The following PTPRO variants were observed in gnomAD, a reference collection of about 807,000 sequenced individuals.
The protein encoded by PTPRO is receptor-type tyrosine-protein phosphatase O.
Under a neutral mutation model 145.2 loss-of-function variants are expected in PTPRO, and 62 were observed. The observed-to-expected ratio is 0.43, with a 90% confidence interval of 0.35 to 0.53. PTPRO has a LOEUF of 0.53. Among genes scored for constraint, PTPRO ranks in the 20% least tolerant of loss-of-function variants. The probability of loss-of-function intolerance (pLI) is 0.01; values close to 1 mark genes in which losing one functional copy is unlikely to be tolerated. For synonymous variants in PTPRO, 565 were observed against 514.7 expected (o/e 1.10, Z -1.32); for missense variants, 1,345 against 1,482.7 (o/e 0.91, Z 1.53).
chr12:15,392,194 C>A (rs11056457), intron 1 of PTPRO, among the ~76,000 whole-genome samples: 30,289 of 151,942 alleles, frequency 0.2, 3,255 homozygotes, highest in Non-Finnish European at 0.24. Context: ...TCTTATAAGC[C>A]CTAGGACAAT....
intron 3 of PTPRO, among the ~76,000 whole-genome samples, 154 bp downstream of exon 3, chr12:15,497,557 G>T (rs1034312888): frequency 6.6e-6 from 1 of 152,172 alleles, no homozygotes; most frequent in Non-Finnish European, 1.5e-5. Context: ...TATGAAAATC[G>T]TGTTATGAGG....
At chr12:15,525,628 A>G (rs6488781) in intron 11 of PTPRO, among the ~76,000 whole-genome samples, 65,392 of 152,032 alleles carry the variant, frequency 0.43, 14,595 homozygotes, top group African/African-American at 0.53. Flanking sequence ...GTGGAAGCCC[A>G]GCACTTACAG....
At chr12:15,552,877 G>T (rs1943506856) in intron 15 of PTPRO, among the ~76,000 whole-genome samples, 1 of 132,732 alleles carries the variant, frequency 7.5e-6, no homozygotes, top group South Asian at 2.4e-4. Context: ...TTGGTTCACT[G>T]CAAGCTCTGC....
chr12:15,353,857 A>T (rs1937892833), intron 1 of PTPRO, among the ~76,000 whole-genome samples: 1 of 152,158 alleles, frequency 6.6e-6, no homozygotes, highest in South Asian at 2.1e-4. Context: ...TCAGGATCAT[A>T]CTAGTAAAGC....
At chr12:15,516,285 C>A (rs1942583394) in intron 8 of PTPRO, among the ~76,000 whole-genome samples, 2 of 146,976 alleles carry the variant, frequency 1.4e-5, no homozygotes, top group Admixed American at 6.8e-5. Flanking sequence ...CCACACCCAG[C>A]CAAGCCCAGA....
chr12:15,417,249 A>AAT, intron 1 of PTPRO, among the ~76,000 whole-genome samples: 1 of 151,848 alleles, frequency 6.6e-6, no homozygotes, highest in East Asian at 1.9e-4. Context: ...AAATACATTT[A>AAT]ATACCCTGAT....
intron 1 of PTPRO, among the ~76,000 whole-genome samples, chr12:15,387,189 G>A (rs890286432): frequency 2.0e-5 from 3 of 152,018 alleles, no homozygotes; most frequent in Non-Finnish European, 4.4e-5. Context: ...TTGCTTGCAG[G>A]GATCATTGAA....
At chr12:15,364,089 G>T (rs1464127973) in intron 1 of PTPRO, among the ~76,000 whole-genome samples, 1 of 152,102 alleles carries the variant, frequency 6.6e-6, no homozygotes, top group Non-Finnish European at 1.5e-5. Context: ...ACTGACCATT[G>T]TGTAATAGAG....
chr12:15,528,115 C>T (rs1313963254), intron 12 of PTPRO, among the ~76,000 whole-genome samples: 1 of 151,454 alleles, frequency 6.6e-6, no homozygotes, highest in Admixed American at 6.6e-5. Context: ...GCAGAATGGA[C>T]AAAGGAGTGG....
At chr12:15,364,011 C>T (rs910441007) in intron 1 of PTPRO, among the ~76,000 whole-genome samples, 2 of 152,288 alleles carry the variant, frequency 1.3e-5, no homozygotes, top group African/African-American at 4.8e-5. Context: ...TGTTGTGGAA[C>T]TATCCATTTA....
rs1219439083 is a variant in PTPRO, at chr12:15,516,611, GAGGAAGGAAGGAAGGAAGGA to G, written c.1586-144_1586-125del. ...AAGGAAGGGGAGGAAGCAAGAAAGG[GAGGAAGGAAGGAAGGAAGGA>G]AGGAAGGGAGGGAGGGAGGTAGGTA... On this transcript the variant is annotated intron_variant, in intron 8 of 26. Transcript: ENST00000281171. The G allele has an allele frequency of 4.6e-6, 3 of 648,450 alleles. No homozygotes were observed. The African/African-American group carries it at 6.4e-5, about 14-fold the overall frequency. The allele number at this position is 648,450 out of a possible 1,614,324, so 40.2% of individuals were successfully genotyped here.
chr12:15,541,506 T>C (rs1943179897), intron 12 of PTPRO, among the ~76,000 whole-genome samples: 1 of 152,178 alleles, frequency 6.6e-6, no homozygotes, highest in Non-Finnish European at 1.5e-5. Context: ...TTCTCACAGA[T>C]CTGGAGTCTG....
chr12:15,448,357 A>AAAAAAAAAAAAAAAAAAAAAAAAC (rs1565635332), intron 1 of PTPRO, among the ~76,000 whole-genome samples: 2 of 149,540 alleles, frequency 1.3e-5, no homozygotes, highest in Non-Finnish European at 1.5e-5. Context: ...AAAAAAAAAA[A>AAAAAAAAAAAAAAAAAAAAAAAAC]AAAGCACCGA....
At chr12:15,582,164 A>C (rs947169586) in intron 23 of PTPRO, among the ~76,000 whole-genome samples, 4 of 152,278 alleles carry the variant, frequency 2.6e-5, no homozygotes, top group African/African-American at 9.6e-5. Flanking sequence ...GAATGCCTTA[A>C]GCGGTTTTCC....
intron 1 of PTPRO, among the ~76,000 whole-genome samples, chr12:15,370,267 G>C (rs1380616951): frequency 6.6e-6 from 1 of 152,010 alleles, no homozygotes; most frequent in African/African-American, 2.4e-5. Flanking sequence ...TAAAATCCCA[G>C]CCTCCTTTAT....
intron 1 of PTPRO, among the ~76,000 whole-genome samples, chr12:15,434,655 T>C (rs531599260): frequency 6.6e-6 from 1 of 152,312 alleles, no homozygotes; most frequent in South Asian, 2.1e-4. Context: ...TAATTTATGG[T>C]AGGCTTTTCA....
At chr12:15,586,121 A>G (rs895853900) in intron 23 of PTPRO, among the ~76,000 whole-genome samples, 9 of 152,214 alleles carry the variant, frequency 5.9e-5, no homozygotes, top group African/African-American at 2.2e-4. Context: ...GGCCATTTTT[A>G]GATATGAGAA....
chr12:15,367,405 T>C (rs879510943), intron 1 of PTPRO, among the ~76,000 whole-genome samples: 3 of 152,184 alleles, frequency 2.0e-5, no homozygotes, highest in Non-Finnish European at 4.4e-5. Flanking sequence ...AAATTTCAGA[T>C]GCAGCAAAAT....
At chr12:15,514,468 A>G (rs1167021108) in intron 7 of PTPRO, among the ~76,000 whole-genome samples, 12 of 137,992 alleles carry the variant, frequency 8.7e-5, no homozygotes, top group South Asian at 2.1e-4. Flanking sequence ...AAAAAAAAAA[A>G]AAAAAGAAAG....
Sources: allele counts gnomAD v4.1 joint callset (sites outside exome capture counted in the v4.1 genomes callset), GRCh38; gene constraint gnomAD v4.1.1; transcripts MANE v1.5; gene names NCBI Gene and HGNC (gene_info 2026-07-23, HGNC 2026-07-21).